The following ANKDD1A variants were observed in gnomAD, a reference collection of about 807,000 sequenced individuals.
ANKDD1A encodes the protein ankyrin repeat and death domain containing 1A, also known as ankyrin repeat and death domain-containing protein 1A.
In ANKDD1A, 59 loss-of-function variants were observed where a neutral mutation model predicts 63.5. The ratio of observed to expected loss-of-function variants is 0.93; its 90% CI spans 0.75 to 1.15. ANKDD1A has a LOEUF of 1.15. ANKDD1A is among the 50% of genes most tolerant of loss of function. The probability of loss-of-function intolerance (pLI) is 0.00; values close to 1 mark genes in which losing one functional copy is unlikely to be tolerated. For synonymous variants in ANKDD1A, 266 were observed against 263.9 expected (o/e 1.01, Z -0.08); for missense variants, 632 against 656.4 (o/e 0.96, Z 0.41).
intron 9 of ANKDD1A, among the ~76,000 whole-genome samples, chr15:64,940,169 C>A (rs1263714038): frequency 2.7e-5 from 4 of 149,700 alleles, no homozygotes; most frequent in Non-Finnish European, 5.9e-5. Context: ...GGGCAAAAGA[C>A]ATGAATAGAC....
rs1360684917 is a variant in ANKDD1A at position 64,957,862 on chromosome 15, T to C, written c.*674T>C. 2 of 152,132 alleles carry C rather than the reference T, an allele frequency of 1.3e-5. No individual in the cohort carries two copies. The highest frequency in any genetic ancestry group is 2.9e-5 in the Non-Finnish European group (2 of 68,028). The allele number at this position is 152,132 out of a possible 1,614,324, so 9.4% of individuals were successfully genotyped here. On this transcript the variant is annotated 3_prime_UTR_variant, in exon 15 of 15. Transcript: ENST00000319580. ...AGTGCATATAGTATATTACTAATAGTATGCTGTTAATTGTGTAAGAAAGAA... is the reference window on the plus strand; with the variant it reads ...AGTGCATATAGTATATTACTAATAGCATGCTGTTAATTGTGTAAGAAAGAA...
At chr15:64,941,281 G>A (rs758458064) in intron 9 of ANKDD1A, among the ~76,000 whole-genome samples, 2 of 152,172 alleles carry the variant, frequency 1.3e-5, no homozygotes, top group African/African-American at 4.8e-5. Flanking sequence ...GGATTTTTGC[G>A]GGGGAGCGGT....
intron 3 of ANKDD1A, among the ~76,000 whole-genome samples, chr15:64,920,251 G>T (rs1245311169): frequency 1.3e-5 from 2 of 152,192 alleles, no homozygotes; most frequent in Admixed American, 6.5e-5. Flanking sequence ...GGAGGTGGGG[G>T]AAGTGCAGAA....
chr15:64,915,053 C>T (rs573158719), intron 1 of ANKDD1A, among the ~76,000 whole-genome samples: 2 of 152,156 alleles, frequency 1.3e-5, no homozygotes, highest in Non-Finnish European at 2.9e-5. Flanking sequence ...GCCCGTAATC[C>T]CAGCACTTTG....
At chr15:64,937,776 CA>C (rs1390233170) in intron 9 of ANKDD1A, among the ~76,000 whole-genome samples, 3 of 151,966 alleles carry the variant, frequency 2.0e-5, no homozygotes, top group African/African-American at 7.2e-5. Context: ...GGACAGTTTT[CA>C]AAAAATGTAC....
chr15:64,953,890 CTCT>C (rs201441036), intron 14 of ANKDD1A, among the ~76,000 whole-genome samples: 2,719 of 102,832 alleles, frequency 0.026, 49 homozygotes, highest in Admixed American at 0.044. Flanking sequence ...TTTCTTCTTC[CTCT>C]TTTCTTTCTT....
At chr15:64,925,888 C>T (rs1329438340) in intron 4 of ANKDD1A, among the ~76,000 whole-genome samples, 178 bp from the exon 5 acceptor site, 2 of 152,104 alleles carry the variant, frequency 1.3e-5, no homozygotes, top group Non-Finnish European at 2.9e-5. Flanking sequence ...TGCCAGCCCC[C>T]CTAAGGCTAA....
rs1476263391 is a variant in ANKDD1A at position 64,943,301 on chromosome 15, A to C, written c.967-183A>C. The C allele has an allele frequency of 1.2e-5, 7 of 604,076 alleles. No individual in the cohort carries two copies. The Admixed American group carries it at 2.0e-4, about 17-fold the overall frequency. 37.4% of individuals were successfully genotyped at this position (604,076 alleles called of 1,614,324 possible). A position where few individuals can be genotyped will look rare whatever the true frequency, so the allele number is the denominator to read the frequency against. ...CAAAAAGTGTCATGTTGGGGTAAAAAAATTAAGATGTAAAATGTACATATA... is the reference window on the plus strand; with the variant it reads ...CAAAAAGTGTCATGTTGGGGTAAAACAATTAAGATGTAAAATGTACATATA... On this transcript the variant is annotated intron_variant, in intron 10 of 14. Coordinates refer to ENST00000319580, the MANE Select transcript of ANKDD1A (RefSeq NM_182703.6).
chr15:64,954,379 CTTTTCTTCTT>C (rs2085383711), intron 14 of ANKDD1A, among the ~76,000 whole-genome samples: 1 of 26,694 alleles, frequency 3.7e-5, no homozygotes, highest in Non-Finnish European at 1.0e-4. Flanking sequence ...TCTTCCTTTT[CTTTTCTTCTT>C]CTTTCTTCTT....
chr15:64,945,932 G>A (rs972393410), intron 12 of ANKDD1A, among the ~76,000 whole-genome samples: 1 of 151,834 alleles, frequency 6.6e-6, no homozygotes, highest in African/African-American at 2.4e-5. Flanking sequence ...ATGCCTGGCC[G>A]AATTATGATT....
chr15:64,926,230 C>G, intron 5 of ANKDD1A, 60 bp downstream of exon 5: 4 of 1,498,388 alleles, frequency 2.7e-6, no homozygotes, highest in Non-Finnish European at 2.8e-6. Context: ...TGGGGCCACT[C>G]TTGCACACTG....
At chr15:64,915,276 G>T (rs1421137815) in intron 1 of ANKDD1A, among the ~76,000 whole-genome samples, 1 of 152,224 alleles carries the variant, frequency 6.6e-6, no homozygotes, top group Non-Finnish European at 1.5e-5. Flanking sequence ...CTGCACTCCA[G>T]CCTGGGCAAC....
chr15:64,931,399 C>T (rs963268684), intron 7 of ANKDD1A, 88 bp from the exon 8 acceptor site: 3 of 1,306,722 alleles, frequency 2.3e-6, no homozygotes, highest in African/African-American at 2.9e-5. Context: ...GGGGCCAAGG[C>T]ACAAGGGGCA....
At chr15:64,913,161 A>C (rs1006465538) in intron 1 of ANKDD1A, among the ~76,000 whole-genome samples, 1 of 152,176 alleles carries the variant, frequency 6.6e-6, no homozygotes, top group East Asian at 1.9e-4. Flanking sequence ...CAATCCCCCT[A>C]AGCTGCACAT....
intron 8 of ANKDD1A, chr15:64,932,459 C>G (rs1049766566): frequency 1.3e-5 from 2 of 152,182 alleles, no homozygotes; most frequent in African/African-American, 4.8e-5. Context: ...TCTTCTCTCT[C>G]TCCCCGTTGT....
In ANKDD1A at chr15:64,926,186, G is replaced by T. The variant is rs1240096415; in HGVS notation, c.471+16G>T. Reference sequence around the variant, plus strand: ...CGTAGACAAGGTGAGAGTGCCTCAGGGCTACTCATCATTCCCATTGGGCGG... The same window carrying T: ...CGTAGACAAGGTGAGAGTGCCTCAGTGCTACTCATCATTCCCATTGGGCGG... On this transcript the variant is annotated intron_variant, in intron 5 of 14. Transcript: ENST00000319580. The T allele has an allele frequency of 6.2e-7, 1 of 1,611,968 alleles. No homozygotes were observed. The highest frequency in any genetic ancestry group is 2.2e-5 in the East Asian group (1 of 44,858).
At chr15:64,955,408 T>G (rs2085408577) in intron 14 of ANKDD1A, among the ~76,000 whole-genome samples, 1 of 152,154 alleles carries the variant, frequency 6.6e-6, no homozygotes, top group South Asian at 2.1e-4. Flanking sequence ...AGCTGAAATT[T>G]CTTATTTCTC....
intron 10 of ANKDD1A, 194 bp from the exon 11 acceptor site, chr15:64,943,290 T>G (rs2085198569): frequency 6.9e-6 from 4 of 579,928 alleles, no homozygotes; most frequent in Non-Finnish European, 9.2e-6. Flanking sequence ...AAGTGTCATG[T>G]TGGGGTAAAA....
intron 7 of ANKDD1A, 69 bp from the exon 8 acceptor site, chr15:64,931,418 C>T: frequency 2.0e-6 from 3 of 1,474,042 alleles, no homozygotes; most frequent in Non-Finnish European, 2.8e-6. Flanking sequence ...CATCCTCTCA[C>T]CGTGGGATTG....
Sources: allele counts gnomAD v4.1 joint callset (sites outside exome capture counted in the v4.1 genomes callset), GRCh38; gene constraint gnomAD v4.1.1; transcripts MANE v1.5; gene names NCBI Gene and HGNC (gene_info 2026-07-23, HGNC 2026-07-21).